RUNX2: variants seen among roughly 807,000 people sequenced by gnomAD.
The protein encoded by RUNX2 is runt-related transcription factor 2.
In RUNX2, 10 loss-of-function variants were observed where a neutral mutation model predicts 51.7. The observed-to-expected ratio is 0.19, with a 90% CI of 0.12 to 0.33. RUNX2 has a LOEUF of 0.33. Ranked by LOEUF, RUNX2 falls within the 10% of genes least tolerant of loss-of-function variation. RUNX2 has a pLI of 1.00. For missense variants in RUNX2, 562 were observed against 691.3 expected (o/e 0.81, Z 2.10); for synonymous variants, 276 against 273.6 (o/e 1.01, Z -0.09).
At chr6:45,454,586 A>G (rs566110877) in intron 5 of RUNX2, among the ~76,000 whole-genome samples, 370 of 152,334 alleles carry the variant, frequency 2.4e-3, no homozygotes, top group African/African-American at 8.2e-3. Flanking sequence ...TTTCCGGCTA[A>G]TTTATAAATG....
chr6:45,471,249 A>G (rs1243541790), intron 5 of RUNX2, among the ~76,000 whole-genome samples: 1 of 152,158 alleles, frequency 6.6e-6, no homozygotes, highest in Non-Finnish European at 1.5e-5. Flanking sequence ...GGTCCAGAAC[A>G]AATAAGTTCC....
chr6:45,523,892 A>G (rs555230166), intron 7 of RUNX2, among the ~76,000 whole-genome samples: 68 of 152,194 alleles, frequency 4.5e-4, no homozygotes, highest in African/African-American at 1.5e-3. Flanking sequence ...AGATCATGCC[A>G]CTGCACTCTA....
chr6:45,500,749 T>C (rs1164557726), intron 6 of RUNX2, among the ~76,000 whole-genome samples: 1 of 152,164 alleles, frequency 6.6e-6, no homozygotes, highest in African/African-American at 2.4e-5. Context: ...ATTGGCATGA[T>C]TATGTGATTC....
chr6:45,517,291 C>G (rs1801361296), intron 7 of RUNX2, among the ~76,000 whole-genome samples: 1 of 152,102 alleles, frequency 6.6e-6, no homozygotes, highest in Non-Finnish European at 1.5e-5. Context: ...AAACAATTCC[C>G]CCATCTCAGC....
At chr6:45,461,313 AT>A (rs1342539912) in intron 5 of RUNX2, among the ~76,000 whole-genome samples, 2 of 152,218 alleles carry the variant, frequency 1.3e-5, no homozygotes, top group Non-Finnish European at 2.9e-5. Flanking sequence ...GACTGGATCC[AT>A]TCTACCTCTG....
At chr6:45,479,877 T>C (rs572815977) in intron 5 of RUNX2, among the ~76,000 whole-genome samples, 2 of 152,348 alleles carry the variant, frequency 1.3e-5, no homozygotes, top group Admixed American at 6.5e-5. Flanking sequence ...CTTGCTATCT[T>C]CTAACTCCAT....
Position 45,549,025 on chromosome 6 carries a change from G to T in RUNX2, c.*1720G>T, listed in dbSNP as rs974045847. On this transcript the variant is annotated 3_prime_UTR_variant, in exon 9 of 9. Transcript: ENST00000647337. ...ACATTTGTATTTCTTACAATGGAGGGCCAAGGAGGGCAAGGGGCTGTGGAG... is the reference window on the plus strand; with the variant it reads ...ACATTTGTATTTCTTACAATGGAGGTCCAAGGAGGGCAAGGGGCTGTGGAG... The T allele has an allele frequency of 3.8e-5, 15 of 397,856 alleles. No individual in the cohort carries two copies. Among genetic ancestry groups the T allele is most frequent in the Non-Finnish European group, 6.6e-5 (15 of 226,028 alleles). The allele number at this position is 397,856 out of a possible 1,614,324, so 24.6% of individuals were successfully genotyped here. A position where few individuals can be genotyped will look rare whatever the true frequency, so the allele number is the denominator to read the frequency against.
chr6:45,377,397 G>A (rs1402494566), intron 2 of RUNX2: 1 of 152,302 alleles, frequency 6.6e-6, no homozygotes, highest in Admixed American at 6.5e-5. Context: ...GTGCCATAAA[G>A]CAACAATTTC....
chr6:45,343,345 C>A (rs887064092), intron 2 of RUNX2, among the ~76,000 whole-genome samples: 1 of 151,992 alleles, frequency 6.6e-6, no homozygotes. Context: ...TACTAAAGGT[C>A]CCTAAAGTTG....
At position 45,399,349 on chromosome 6, in the gene RUNX2, C is replaced by CTTTTTTTTTTTTTTTTTTTT. The variant is rs398048486; in HGVS notation, c.59-23235_59-23216dup. Among the ~76,000 whole-genome samples, 8 of 57,380 alleles carry CTTTTTTTTTTTTTTTTTTTT rather than the reference C, an allele frequency of 1.4e-4. 1 individual carries two copies. Among genetic ancestry groups the CTTTTTTTTTTTTTTTTTTTT allele is most frequent in the Admixed American group, 4.5e-4 (2 of 4,476 alleles). The allele number at this position is 57,380 out of a possible 152,430, so 37.6% of individuals were successfully genotyped here. On this transcript the variant is annotated intron_variant, in intron 2 of 8. Transcript: ENST00000647337. ...CTTTCTCATTTCTTTCTTTTCTTTCCTTTTTTTTTTTTTTTTTTTTTTTTT... is the reference window on the plus strand; with the variant it reads ...CTTTCTCATTTCTTTCTTTTCTTTCCTTTTTTTTTTTTTTTTTTTTTTTTTTTTTTTTTTTTTTTTTTTTT...
intron 7 of RUNX2, among the ~76,000 whole-genome samples, chr6:45,527,513 C>T (rs976616915): frequency 2.6e-5 from 4 of 152,120 alleles, no homozygotes; most frequent in Non-Finnish European, 5.9e-5. Flanking sequence ...GAGAATTTTG[C>T]TGGTATCATC....
chr6:45,423,746 C>T (rs1798303992), intron 3 of RUNX2, among the ~76,000 whole-genome samples: 1 of 152,168 alleles, frequency 6.6e-6, no homozygotes, highest in South Asian at 2.1e-4. Flanking sequence ...GATCCCGTTA[C>T]CGGGAGGAAG....
chr6:45,411,769 T>G (rs1277361287), intron 2 of RUNX2, among the ~76,000 whole-genome samples: 1 of 152,174 alleles, frequency 6.6e-6, no homozygotes, highest in Admixed American at 6.5e-5. Flanking sequence ...GGGCACACTA[T>G]AATAATTTCC....
At chr6:45,458,215 C>G (rs750830986) in intron 5 of RUNX2, among the ~76,000 whole-genome samples, 3 of 151,990 alleles carry the variant, frequency 2.0e-5, no homozygotes, top group African/African-American at 7.2e-5. Flanking sequence ...TTAGTAGGGA[C>G]GGGGTTTCCC....
At chr6:45,400,707 GT>G (rs1316255431) in intron 2 of RUNX2, among the ~76,000 whole-genome samples, 2 of 151,994 alleles carry the variant, frequency 1.3e-5, no homozygotes, top group Non-Finnish European at 2.9e-5. Context: ...GAACCCAGCC[GT>G]TTTCCTTGAT....
rs6902816 is a variant in RUNX2, at chr6:45,507,473, G to T, written c.860-4773G>T. Reference sequence around the variant, plus strand: ...GAAATTGTTTATGAGATCAGGTTAAGGTGACTTTCCTCTACTATAAGCACT... The same window carrying T: ...GAAATTGTTTATGAGATCAGGTTAATGTGACTTTCCTCTACTATAAGCACT... On this transcript the variant is annotated intron_variant, in intron 6 of 8. Coordinates refer to ENST00000647337, the MANE Select transcript of RUNX2 (RefSeq NM_001024630.4). Among the ~76,000 whole-genome samples the T allele has an allele frequency of 6.9e-3, 1,046 of 152,188 alleles. 11 individuals are homozygous for T. The highest frequency in any genetic ancestry group is 0.024 in the African/African-American group (1,000 of 41,506).
intron 2 of RUNX2, among the ~76,000 whole-genome samples, chr6:45,398,815 A>G (rs1287897219): frequency 6.6e-6 from 1 of 152,226 alleles, no homozygotes; most frequent in Non-Finnish European, 1.5e-5. Context: ...TATCACAACA[A>G]TCTAAGAAAG....
chr6:45,457,663 T>C (rs975501211), intron 5 of RUNX2, among the ~76,000 whole-genome samples: 26 of 152,322 alleles, frequency 1.7e-4, no homozygotes, highest in African/African-American at 6.3e-4. Context: ...ATTCAACGCT[T>C]GTAAAAACTA....
chr6:45,335,430 A>G (rs2150105660), intron 2 of RUNX2, among the ~76,000 whole-genome samples: 1 of 151,416 alleles, frequency 6.6e-6, no homozygotes, highest in Middle Eastern at 3.4e-3. Flanking sequence ...ATCCATGTGT[A>G]TCAAAAAGGT....
Sources: allele counts gnomAD v4.1 joint callset (sites outside exome capture counted in the v4.1 genomes callset), GRCh38; gene constraint gnomAD v4.1.1; transcripts MANE v1.5; gene names NCBI Gene and HGNC (gene_info 2026-07-23, HGNC 2026-07-21).